The following RGS1 variants were observed in gnomAD, a reference collection of about 807,000 sequenced individuals.
The protein encoded by RGS1 is B-cell activation protein BL34.
RGS1 carries 11 observed loss-of-function variants against 22.2 expected under a neutral mutation model. That is an observed-to-expected ratio of 0.50 (90% CI 0.31 to 0.82). The LOEUF (loss-of-function observed/expected upper bound fraction) is 0.82, where lower values mean the gene tolerates loss of function less well. Among genes scored for constraint, RGS1 ranks in the 40% least tolerant of loss-of-function variants. The pLI is 0.04. For missense variants in RGS1, 255 were observed against 245.8 expected (o/e 1.04, Z -0.25); for synonymous variants, 81 against 79.9 (o/e 1.01, Z -0.07).
Position 192,575,844 on chromosome 1 carries a change from T to G in RGS1, c.52T>G (p.Phe18Val), listed in dbSNP as rs1212178105. The G allele has an allele frequency of 1.3e-5, 21 of 1,613,370 alleles. No individual in the cohort carries two copies. The highest frequency in any genetic ancestry group is 6.7e-5 in the African/African-American group (5 of 74,910). The change falls in exon 1 of 5, where the codon TTC becomes GTC. Residue 18 changes from phenylalanine to valine, a missense_variant. Physicochemically the swap from Phe to Val is conservative, Grantham distance 50. Coordinates refer to ENST00000367459, the MANE Select transcript of RGS1 (RefSeq NM_002922.4). ...AAAGTTAGACAAAATGCCAGGAATG[T>G]TCTTCTCTGCTAACCCAAAGGAATT... is the stretch of plus-strand genomic sequence containing the variant. ...TPKLDKMPGM[F>V]FSANPKELKG...
In RGS1 at chr1:192,578,223, T is replaced by C. The variant is rs779067295; in HGVS notation, c.282T>C (p.Thr94=). ...QSLEKLLANQ[T]GQNVFGSFLK... is the part of the protein sequence containing the mutation. ...CACCCACCCCTCGTTTCTTTTTAGCTGGTCAAAATGTCTTTGGAAGTTTCC... is the reference window on the plus strand; with the variant it reads ...CACCCACCCCTCGTTTCTTTTTAGCCGGTCAAAATGTCTTTGGAAGTTTCC... Residue 94 remains threonine, a splice_region_variant and synonymous_variant, in exon 4 of 5, where the codon ACT becomes ACC. Transcript: ENST00000367459. 9 of 1,605,866 alleles carry C rather than the reference T, an allele frequency of 5.6e-6. No homozygotes were observed. In the South Asian group the frequency reaches 7.8e-5, roughly 14 times the overall value.
Position 192,575,900 on chromosome 1 carries a change from C to T in RGS1, c.108C>T (p.Asp36=), listed in dbSNP as rs1416723657. 1.2e-6 allele frequency: 2 copies of T among 1,612,210 alleles called. No homozygotes were observed. The highest frequency in any genetic ancestry group is 1.7e-6 in the Non-Finnish European group (2 of 1,179,054). The change falls in exon 1 of 5, where the codon GAC becomes GAT. Residue 36 remains aspartate (D), a synonymous_variant. Coordinates refer to ENST00000367459, the MANE Select transcript of RGS1 (RefSeq NM_002922.4). Reference sequence around the variant, plus strand: ...GAACCACTCATTCACTTCTAGACGACAAAATGCAAAAAAGGAGGCCAAAGA... The same window carrying T: ...GAACCACTCATTCACTTCTAGACGATAAAATGCAAAAAAGGAGGCCAAAGA... The part of the protein sequence containing the change: ...LKGTTHSLLD[D]KMQKRRPKTF...
rs558888095 is a variant in RGS1, at chr1:192,577,845, G to A, written c.281-377G>A. On this transcript the variant is annotated intron_variant, in intron 3 of 4. Transcript: ENST00000367459. ...AATTATTGTGATGTTAATGCCTTTT[G>A]TCAGTGTTTGCTTTCCTAAAATACT... 6 of 187,072 alleles carry A rather than the reference G, an allele frequency of 3.2e-5. No individual in the cohort carries two copies. In the South Asian group the frequency reaches 7.2e-4, roughly 22 times the overall value. 11.6% of individuals were successfully genotyped at this position (187,072 alleles called of 1,614,324 possible). A position where few individuals can be genotyped will look rare whatever the true frequency, so the allele number is the denominator to read the frequency against.
Position 192,578,356 on chromosome 1 carries a change from G to A in RGS1, c.415G>A (p.Ala139Thr), listed in dbSNP as rs1321649165. Reference protein sequence around the residue: ...LPCKAEEIYKAFVHSDAAKQI... With the variant: ...LPCKAEEIYKTFVHSDAAKQI... ...CTGTAAAGCAGAAGAGATATATAAA[G>A]CATTTGTGCATTCAGATGCTGCTAA... is the stretch of plus-strand genomic sequence containing the variant. Residue 139 changes from alanine (A) to threonine (T), a missense_variant, in exon 4 of 5, where the codon GCA becomes ACA. Transcript: ENST00000367459. 1 of 1,612,914 alleles carries A rather than the reference G, an allele frequency of 6.2e-7. No homozygotes were observed. The highest frequency in any genetic ancestry group is 8.5e-7 in the Non-Finnish European group (1 of 1,179,480).
At chr1:192,578,083 T>C (rs1343965639) in intron 3 of RGS1, 139 bp from the exon 4 acceptor site, 6 of 979,888 alleles carry the variant, frequency 6.1e-6, no homozygotes, top group Middle Eastern at 6.2e-4. Context: ...ATAACACAGC[T>C]ATTTCAGCAG....
intron 4 of RGS1, 99 bp downstream of exon 4, chr1:192,578,484 T>A: frequency 7.2e-7 from 1 of 1,394,856 alleles, no homozygotes; most frequent in Admixed American, 2.0e-5. Context: ...TTTTGGGGTA[T>A]ATAATTTTAC....
intron 1 of RGS1, 77 bp from the exon 2 acceptor site, chr1:192,576,208 G>T: frequency 8.0e-7 from 1 of 1,249,800 alleles, no homozygotes; most frequent in Admixed American, 1.9e-5. Context: ...ATTCCTTAGA[G>T]AAATTTATTC....
Position 192,579,303 on chromosome 1 carries a change from A to G in RGS1, c.611A>G (p.Gln204Arg). The G allele has an allele frequency of 6.2e-7, 1 of 1,612,780 alleles. No homozygotes were observed. The highest frequency in any genetic ancestry group is 8.5e-7 in the Non-Finnish European group (1 of 1,179,200). Residue 204 changes from glutamine (Q) to arginine (R), a missense_variant, in exon 5 of 5, where the codon CAG (glutamine) becomes CGG (arginine). By Grantham distance (43) the Gln-to-Arg change is conservative (BLOSUM62 1). Coordinates refer to ENST00000367459, the MANE Select transcript of RGS1 (RefSeq NM_002922.4). ...DIYLNLLNDL[Q>R]ANSLK ...TACTTAAATCTTCTAAATGACCTGC[A>G]GGCTAATAGCCTAAAGTGACTGGTC...
At chr1:192,577,519 AC>A (rs1416257781) in intron 3 of RGS1, 1 of 152,144 alleles carries the variant, frequency 6.6e-6, no homozygotes, top group Non-Finnish European at 1.5e-5. Flanking sequence ...TGAGATTAGG[AC>A]CTTTTTCAGA....
In RGS1 at chr1:192,579,520, C is replaced by A; in HGVS notation, c.*198C>A. On this transcript the variant is annotated 3_prime_UTR_variant, in exon 5 of 5. Transcript: ENST00000367459. ...CATAAGCAAGACAAAAACAGAGAGA[C>A]CGCAGAAGGAGGAAGATACTGTGGT... 1.9e-6 allele frequency: 1 copy of A among 532,748 alleles called. No individual in the cohort carries two copies. The highest frequency in any genetic ancestry group is 3.3e-6 in the Non-Finnish European group (1 of 305,432). The allele number at this position is 532,748 out of a possible 1,614,324, so 33.0% of individuals were successfully genotyped here.
rs1160843810 is a variant in RGS1, at chr1:192,579,937, G to T, written c.*615G>T. On this transcript the variant is annotated 3_prime_UTR_variant, in exon 5 of 5. Coordinates refer to ENST00000367459, the MANE Select transcript of RGS1 (RefSeq NM_002922.4). ...TGTGGATTTTGTATTAAAATATATA[G>T]AAGCAATTTCTGTTTACATGTCCTT... The T allele has an allele frequency of 1.3e-5, 2 of 152,034 alleles. No homozygotes were observed. Among genetic ancestry groups the T allele is most frequent in the Non-Finnish European group, 2.9e-5 (2 of 67,978 alleles). 9.4% of individuals were successfully genotyped at this position (152,034 alleles called of 1,614,324 possible). A position where few individuals can be genotyped will look rare whatever the true frequency, so the allele number is the denominator to read the frequency against.
Position 192,575,924 on chromosome 1 carries a change from G to A in RGS1, c.132G>A (p.Lys44=). 6.2e-7 allele frequency: 1 copy of A among 1,612,844 alleles called. No homozygotes were observed. Among genetic ancestry groups the A allele is most frequent in the Non-Finnish European group, 8.5e-7 (1 of 1,179,230 alleles). The change falls in exon 1 of 5, where the codon AAG becomes AAA. Residue 44 remains lysine (K), a synonymous_variant. Transcript: ENST00000367459. ...ACAAAATGCAAAAAAGGAGGCCAAA[G>A]ACTTTGTAAGTTTGTTCAGAGTCTC... ...LDDKMQKRRP[K]TFGMDMKAYL...
At position 192,579,319 on chromosome 1, in the gene RGS1, G is replaced by C. The variant is rs779824898; in HGVS notation, c.627G>C (p.Lys209Asn). The C allele has an allele frequency of 5.0e-6, 8 of 1,612,300 alleles. No homozygotes were observed. The South Asian group carries it at 7.7e-5, about 16-fold the overall frequency. The change falls in exon 5 of 5, where the codon AAG becomes AAC. Residue 209 changes from lysine to asparagine, a missense_variant. Lys to Asn is a moderately conservative substitution (Grantham distance 94). Coordinates refer to ENST00000367459, the MANE Select transcript of RGS1 (RefSeq NM_002922.4). ...ATGACCTGCAGGCTAATAGCCTAAA[G>C]TGACTGGTCCCTGGCTGAAGGGAAT... is the stretch of plus-strand genomic sequence containing the variant. ...LLNDLQANSL[K>N]
At chr1:192,578,427 C>T (rs778793586) in intron 4 of RGS1, 42 bp downstream of exon 4, 7 of 1,596,274 alleles carry the variant, frequency 4.4e-6, no homozygotes, top group African/African-American at 1.3e-5. Context: ...CCATAAAAGA[C>T]CCTATATGCA....
intron 1 of RGS1, 114 bp downstream of exon 1, chr1:192,576,043 G>C: frequency 8.1e-7 from 1 of 1,234,252 alleles, no homozygotes; most frequent in South Asian, 1.5e-5. Context: ...GATCAGAGGA[G>C]TTAATTGCCT....
chr1:192,576,442 G>T, intron 2 of RGS1, 77 bp downstream of exon 2: 1 of 1,046,878 alleles, frequency 9.6e-7, no homozygotes, highest in South Asian at 1.3e-5. Flanking sequence ...TCCCAGCAAG[G>T]GATAAATACT....
chr1:192,576,296 T>C lies in RGS1; in HGVS notation c.149T>C (p.Met50Thr). Residue 50 changes from methionine to threonine, a missense_variant, in exon 2 of 5, where the codon ATG becomes ACG. Coordinates refer to ENST00000367459, the MANE Select transcript of RGS1 (RefSeq NM_002922.4). The part of the protein sequence containing the change: ...KRRPKTFGMD[M>T]KAYLRSMIPH... ...TATGTCTTTTGTAGTGGAATGGATA[T>C]GAAAGCATACCTGAGATCTATGATC... 6.2e-7 allele frequency: 1 copy of C among 1,609,070 alleles called. No individual in the cohort carries two copies. Among genetic ancestry groups the C allele is most frequent in the Non-Finnish European group, 8.5e-7 (1 of 1,176,278 alleles).
At position 192,579,158 on chromosome 1, in the gene RGS1, C is replaced by G. The variant is rs752662240; in HGVS notation, c.466C>G (p.Arg156Gly). The G allele has an allele frequency of 8.1e-6, 13 of 1,612,696 alleles. No individual in the cohort carries two copies. The highest frequency in any genetic ancestry group is 6.6e-5 in the South Asian group (6 of 90,916). ...AKQINIDFRTRESTAKKIKAP... is the reference protein window; with the variant it reads ...AKQINIDFRTGESTAKKIKAP... Reference sequence around the variant, plus strand: ...TTAGATCAATATTGACTTCCGCACTCGAGAATCTACAGCCAAGAAGATTAA... The same window carrying G: ...TTAGATCAATATTGACTTCCGCACTGGAGAATCTACAGCCAAGAAGATTAA... The change falls in exon 5 of 5, where the codon CGA becomes GGA. Residue 156 changes from arginine to glycine, a missense_variant. Arg to Gly is a moderately radical substitution (Grantham distance 125). Transcript: ENST00000367459.
intron 2 of RGS1, 171 bp from the exon 3 acceptor site, chr1:192,576,603 A>G (rs1662065133): frequency 7.5e-6 from 5 of 670,140 alleles, no homozygotes; most frequent in South Asian, 2.5e-5. Context: ...TTTTTTTTTC[A>G]TAACTATAGT....
Sources: gnomAD v4.1 joint callset for allele counts on GRCh38, gnomAD v4.1.1 for gene constraint, MANE v1.5 for transcripts, NCBI Gene and HGNC (gene_info 2026-07-23, HGNC 2026-07-21) for gene names.